SLC24A2: variants seen among roughly 807,000 people sequenced by gnomAD.
The protein encoded by SLC24A2 is solute carrier family 24 member 2.
Under a neutral mutation model 62.0 loss-of-function variants are expected in SLC24A2, and 36 were observed. The ratio of observed to expected loss-of-function variants is 0.58; its 90% CI spans 0.44 to 0.77. The LOEUF (loss-of-function observed/expected upper bound fraction) is 0.77, where lower values mean the gene tolerates loss of function less well. Among genes scored for constraint, SLC24A2 ranks in the 30% least tolerant of loss-of-function variants. The pLI is 0.00. For missense variants in SLC24A2, 846 were observed against 817.9 expected, an observed-to-expected ratio of 1.03 and a Z score of -0.42; for synonymous variants, 358 against 294.0, an observed-to-expected ratio of 1.22 and a Z score of -2.23.
the SLC24A2 span, among the ~76,000 whole-genome samples, chr9:20,271,363 C>A: frequency 6.6e-6 from 1 of 152,238 alleles, no homozygotes; most frequent in South Asian, 2.1e-4. Flanking sequence ...TGCTCTCCTG[C>A]AGTTTCAAGA....
chr9:19,635,768 A>G (rs1264394903), intron 2 of SLC24A2, among the ~76,000 whole-genome samples: 1 of 152,234 alleles, frequency 6.6e-6, no homozygotes, highest in South Asian at 2.1e-4. Flanking sequence ...CAATATGTCT[A>G]TATTAATAAT....
chr9:19,892,185 C>T, the SLC24A2 span, among the ~76,000 whole-genome samples: 1 of 152,076 alleles, frequency 6.6e-6, no homozygotes, highest in Admixed American at 6.6e-5. Context: ...CTTTGAAGAG[C>T]TGCCTCTTTC....
rs1819860487 is a variant in SLC24A2 at position 19,685,683 on chromosome 9, A to G, written c.931-63384T>C. On this transcript the variant is annotated intron_variant, in intron 2 of 10. Coordinates refer to ENST00000341998, the MANE Select transcript of SLC24A2 (RefSeq NM_020344.4). ...CAAGCAATGGGGGAAAAGACTCCCT[A>G]TTCAAAAAATGGTGCTTGGATAACT... Among the ~76,000 whole-genome samples the G allele has an allele frequency of 2.0e-5, 3 of 152,256 alleles. No individual in the cohort carries two copies. The South Asian group carries it at 6.2e-4, about 32-fold the overall frequency.
At chr9:19,856,315 C>T in the SLC24A2 span, among the ~76,000 whole-genome samples, 1 of 152,176 alleles carries the variant, frequency 6.6e-6, no homozygotes, top group African/African-American at 2.4e-5. Flanking sequence ...CAGCCCAGTT[C>T]TGTGCCTTTG....
At chr9:19,953,281 G>C in the SLC24A2 span, among the ~76,000 whole-genome samples, 2 of 151,944 alleles carry the variant, frequency 1.3e-5, no homozygotes, top group Admixed American at 1.3e-4. Flanking sequence ...CTCTAAGTTA[G>C]TAAGTGAGAA....
In SLC24A2 at chr9:19,756,763, A is replaced by G. The variant is rs1375608664; in HGVS notation, c.930+29174T>C. ...AAGAAACTTTGACTTAAGTCTGTTC[A>G]CTTCAATCGGAAAAAGATGATGTTT... On this transcript the variant is annotated intron_variant, in intron 2 of 10. Coordinates refer to ENST00000341998, the MANE Select transcript of SLC24A2 (RefSeq NM_020344.4). Among the ~76,000 whole-genome samples, 6 of 152,124 alleles carry G rather than the reference A, an allele frequency of 3.9e-5. No individual in the cohort carries two copies. In the East Asian group the frequency reaches 9.6e-4, roughly 24 times the overall value.
intron 9 of SLC24A2, among the ~76,000 whole-genome samples, chr9:19,526,440 T>C (rs1833450800): frequency 6.6e-6 from 1 of 152,242 alleles, no homozygotes; most frequent in Non-Finnish European, 1.5e-5. Context: ...TTTCCCAAAG[T>C]GGCTGCACTG....
At chr9:20,041,233 A>G in the SLC24A2 span, among the ~76,000 whole-genome samples, 8 of 152,260 alleles carry the variant, frequency 5.3e-5, no homozygotes, top group African/African-American at 1.9e-4. Flanking sequence ...CTTCTTTCAT[A>G]TACAAAGCAG....
At chr9:19,687,813 C>T (rs898581199) in intron 2 of SLC24A2, among the ~76,000 whole-genome samples, 1 of 152,058 alleles carries the variant, frequency 6.6e-6, no homozygotes, top group South Asian at 2.1e-4. Flanking sequence ...ATTTGGGTGA[C>T]AAATGCTCCA....
At chr9:20,051,575 A>T in the SLC24A2 span, among the ~76,000 whole-genome samples, 1 of 151,688 alleles carries the variant, frequency 6.6e-6, no homozygotes, top group Admixed American at 6.6e-5. Context: ...ATTTACTAAA[A>T]ATTACCACAT....
the SLC24A2 span, among the ~76,000 whole-genome samples, chr9:19,948,643 G>A: frequency 1.3e-5 from 2 of 151,678 alleles, no homozygotes; most frequent in South Asian, 2.1e-4. Flanking sequence ...GGATCACGAG[G>A]TCAGGAGATC....
chr9:19,913,783 T>C, the SLC24A2 span, among the ~76,000 whole-genome samples: 1 of 152,148 alleles, frequency 6.6e-6, no homozygotes, highest in Admixed American at 6.6e-5. Flanking sequence ...TCCACAAATC[T>C]ACATTTGAAT....
the SLC24A2 span, among the ~76,000 whole-genome samples, chr9:20,181,496 T>A: frequency 6.6e-5 from 10 of 152,260 alleles, no homozygotes; most frequent in Admixed American, 3.3e-4. Context: ...TCTACAACCA[T>A]CTGATCTTTG....
chr9:20,275,569 G>A, the SLC24A2 span, among the ~76,000 whole-genome samples: 1 of 152,106 alleles, frequency 6.6e-6, no homozygotes. Context: ...GCTCTGATGA[G>A]GCCTTTTTCC....
At chr9:20,143,404 T>C in the SLC24A2 span, among the ~76,000 whole-genome samples, 2 of 152,326 alleles carry the variant, frequency 1.3e-5, no homozygotes, top group East Asian at 1.9e-4. Flanking sequence ...TGCAAAGCTA[T>C]TTGCCCTAGG....
chr9:19,914,552 A>T, the SLC24A2 span, among the ~76,000 whole-genome samples: 1 of 151,896 alleles, frequency 6.6e-6, no homozygotes, highest in Non-Finnish European at 1.5e-5. Flanking sequence ...TTGGCCTGGC[A>T]AAGTCATCTT....
the SLC24A2 span, among the ~76,000 whole-genome samples, chr9:20,067,425 T>G: frequency 6.6e-5 from 10 of 152,162 alleles, no homozygotes; most frequent in Non-Finnish European, 5.9e-5. Flanking sequence ...TTTAAATTTT[T>G]TTCAACTTTT....
the SLC24A2 span, among the ~76,000 whole-genome samples, chr9:20,264,997 C>T: frequency 6.6e-6 from 1 of 152,188 alleles, no homozygotes; most frequent in Non-Finnish European, 1.5e-5. Flanking sequence ...TGCTCCCAGC[C>T]CTGGTACATC....
At chr9:19,967,913 T>C in the SLC24A2 span, 1 of 152,172 alleles carries the variant, frequency 6.6e-6, no homozygotes. Context: ...TTTCTGAGCA[T>C]CCTTGAAAAA....
Sources: allele counts gnomAD v4.1 joint callset (sites outside exome capture counted in the v4.1 genomes callset), GRCh38; gene constraint gnomAD v4.1.1; transcripts MANE v1.5; gene names NCBI Gene and HGNC (gene_info 2026-07-23, HGNC 2026-07-21).